Variants in BICD1 observed in about 807,000 individuals in gnomAD.
BICD1 encodes protein bicaudal D homolog 1.
BICD1 carries 35 observed loss-of-function variants against 92.5 expected under a neutral mutation model. The observed-to-expected ratio is 0.38, with a 90% CI of 0.29 to 0.50. BICD1 has a LOEUF of 0.50. BICD1 is among the 20% of genes least tolerant of loss of function. The pLI is 0.93. For missense variants in BICD1, 950 were observed against 1,189.8 expected (o/e 0.80, Z 2.97); for synonymous variants, 429 against 465.1 (o/e 0.92, Z 1.00).
intron 1 of BICD1, among the ~76,000 whole-genome samples, chr12:32,127,219 C>T (rs1042663206): frequency 6.6e-6 from 1 of 152,046 alleles, no homozygotes; most frequent in Non-Finnish European, 1.5e-5. Flanking sequence ...CTTAAGAAAT[C>T]CTTTCCATGA....
At chr12:32,282,927 A>G in intron 2 of BICD1, among the ~76,000 whole-genome samples, 1 of 152,236 alleles carries the variant, frequency 6.6e-6, no homozygotes, top group South Asian at 2.1e-4. Context: ...ATGTGATTTA[A>G]GAATAGATGT....
chr12:32,164,267 T>A (rs1265525358), intron 1 of BICD1, among the ~76,000 whole-genome samples: 1 of 152,234 alleles, frequency 6.6e-6, no homozygotes, highest in African/African-American at 2.4e-5. Flanking sequence ...ATGTATAGAA[T>A]GTATCTTGTT....
intron 9 of BICD1, among the ~76,000 whole-genome samples, chr12:32,369,848 G>A (rs925347915): frequency 6.6e-6 from 1 of 152,048 alleles, no homozygotes; most frequent in African/African-American, 2.4e-5. Context: ...CAAGACTGCA[G>A]CAAGCTGTGA....
intron 2 of BICD1, among the ~76,000 whole-genome samples, chr12:32,217,906 T>C (rs1266813638): frequency 6.6e-6 from 1 of 152,160 alleles, no homozygotes; most frequent in East Asian, 1.9e-4. Context: ...CAGGGTCATG[T>C]GCAAGTTGGC....
At chr12:32,193,611 A>G (rs187265177) in intron 1 of BICD1, among the ~76,000 whole-genome samples, 297 of 152,338 alleles carry the variant, frequency 1.9e-3, no homozygotes, top group Admixed American at 8.4e-3. Flanking sequence ...AACCTGGAAG[A>G]AATGGATCAA....
chr12:32,182,283 T>TTTTTTC (rs1944299267), intron 1 of BICD1, among the ~76,000 whole-genome samples: 1 of 130,820 alleles, frequency 7.6e-6, no homozygotes, highest in Non-Finnish European at 1.7e-5. Context: ...TCTTTCTTTT[T>TTTTTTC]TTTTTTTTTT....
chr12:32,117,605 C>T, intron 1 of BICD1, among the ~76,000 whole-genome samples: 1 of 151,330 alleles, frequency 6.6e-6, no homozygotes, highest in East Asian at 1.9e-4. Context: ...GGTCTACAGC[C>T]TCCAGAATCT....
chr12:32,171,761 C>T (rs765713609), intron 1 of BICD1, among the ~76,000 whole-genome samples: 4 of 151,982 alleles, frequency 2.6e-5, no homozygotes, highest in African/African-American at 4.8e-5. Flanking sequence ...TGGTGAAGCC[C>T]GGTCTCTACT....
chr12:32,216,901 G>A (rs1253163866), intron 2 of BICD1, among the ~76,000 whole-genome samples: 2 of 152,206 alleles, frequency 1.3e-5, no homozygotes, highest in East Asian at 3.8e-4. Flanking sequence ...GTCCTGAGAA[G>A]TCTTTGAGTC....
At chr12:32,148,149 A>AAAAAAAAAAAAAAAAAAAT (rs1354029954) in intron 1 of BICD1, among the ~76,000 whole-genome samples, 1 of 150,940 alleles carries the variant, frequency 6.6e-6, no homozygotes, top group Non-Finnish European at 1.5e-5. Context: ...CTCCAAAAAA[A>AAAAAAAAAAAAAAAAAAAT]AAAGAATCTG....
At chr12:32,110,351 G>T (rs1445811125) in intron 1 of BICD1, among the ~76,000 whole-genome samples, 1 of 152,128 alleles carries the variant, frequency 6.6e-6, no homozygotes, top group African/African-American at 2.4e-5. Context: ...TTAGTGCTCT[G>T]CATGGACTAC....
At chr12:32,134,663 CCTCT>C (rs1184565702) in intron 1 of BICD1, among the ~76,000 whole-genome samples, 4 of 152,102 alleles carry the variant, frequency 2.6e-5, no homozygotes, top group Non-Finnish European at 5.9e-5. Context: ...TCATTGTGTG[CCTCT>C]CTCCTTAATA....
At chr12:32,263,480 A>C (rs1353521360) in intron 2 of BICD1, among the ~76,000 whole-genome samples, 1 of 151,242 alleles carries the variant, frequency 6.6e-6, no homozygotes, top group East Asian at 2.0e-4. Context: ...CGGGAGGCAG[A>C]GGTTGCAGTG....
intron 1 of BICD1, among the ~76,000 whole-genome samples, chr12:32,142,114 G>T (rs1942941822): frequency 6.6e-6 from 1 of 152,096 alleles, no homozygotes; most frequent in South Asian, 2.1e-4. Flanking sequence ...CAACATAAAA[G>T]TTTATTGACA....
At chr12:32,323,428 A>G (rs1324823205) in intron 4 of BICD1, among the ~76,000 whole-genome samples, 1 of 152,206 alleles carries the variant, frequency 6.6e-6, no homozygotes, top group East Asian at 1.9e-4. Flanking sequence ...AAAATTCCCT[A>G]TGAGGCGTTA....
Position 32,328,455 on chromosome 12 carries a change from A to G in BICD1, c.2000A>G (p.Lys667Arg), listed in dbSNP as rs747373437. 6.2e-7 allele frequency: 1 copy of G among 1,614,204 alleles called. No individual in the cohort carries two copies. The highest frequency in any genetic ancestry group is 1.7e-5 in the Admixed American group (1 of 60,016). The change falls in exon 5 of 10, where the codon AAG becomes AGG. Residue 667 changes from lysine to arginine, a missense_variant. Transcript: ENST00000652176. The surrounding 1 kb of genome is among the most constrained non-coding windows in gnomAD (Gnocchi z 4.4). ...CTAGCCCCCATGATTGATAAAGACAAGGAAGCCTTAATGGAAGAGATCCTC... is the reference window on the plus strand; with the variant it reads ...CTAGCCCCCATGATTGATAAAGACAGGGAAGCCTTAATGGAAGAGATCCTC... ...RELAPMIDKD[K>R]EALMEEILKL...
intron 2 of BICD1, among the ~76,000 whole-genome samples, chr12:32,292,396 G>T (rs1947749100): frequency 6.6e-6 from 1 of 152,196 alleles, no homozygotes; most frequent in Non-Finnish European, 1.5e-5. Context: ...AGCCCTATCG[G>T]ATTGGGCCTC....
At chr12:32,201,836 A>G (rs1944914203) in intron 1 of BICD1, among the ~76,000 whole-genome samples, 1 of 152,086 alleles carries the variant, frequency 6.6e-6, no homozygotes, top group Non-Finnish European at 1.5e-5. Context: ...TTCGGGTTAT[A>G]ATAGTCAGAA....
intron 1 of BICD1, among the ~76,000 whole-genome samples, chr12:32,205,329 CTA>C (rs1336988648): frequency 6.6e-6 from 1 of 152,062 alleles, no homozygotes; most frequent in African/African-American, 2.4e-5. Context: ...GATGGAATCT[CTA>C]TGTCTTTGTT....
Sources: gnomAD v4.1 joint callset for allele counts (sites outside exome capture counted in the v4.1 genomes callset) on GRCh38, gnomAD v4.1.1 for gene constraint, Gnocchi (gnomAD v3.1) non-coding constraint, MANE v1.5 for transcripts, NCBI Gene and HGNC (gene_info 2026-07-23, HGNC 2026-07-21) for gene names.